NRXN3: variants seen among roughly 807,000 people sequenced by gnomAD.
The protein encoded by NRXN3 is neurexin III.
Under a neutral mutation model 137.6 loss-of-function variants are expected in NRXN3, and 32 were observed. The observed-to-expected ratio is 0.23, with a 90% confidence interval of 0.18 to 0.31. The LOEUF is 0.31. Ranked by LOEUF, NRXN3 falls within the 10% of genes least tolerant of loss-of-function variation. NRXN3 has a pLI of 1.00. For missense variants in NRXN3, 1,574 were observed against 2,062.5 expected (o/e 0.76, Z 4.59); for synonymous variants, 798 against 784.5 (o/e 1.02, Z -0.29).
chr14:79,176,541 G>T (rs2062363715), intron 15 of NRXN3, among the ~76,000 whole-genome samples: 1 of 152,104 alleles, frequency 6.6e-6, no homozygotes, highest in Non-Finnish European at 1.5e-5. Flanking sequence ...CCACCATTTT[G>T]CTATATGCAA....
chr14:79,698,694 A>T (rs1364160241), intron 19 of NRXN3, among the ~76,000 whole-genome samples: 1 of 151,978 alleles, frequency 6.6e-6, no homozygotes, highest in African/African-American at 2.4e-5. Flanking sequence ...TAACTGAATT[A>T]TTAGCCTTAA....
At chr14:79,706,299 C>T (rs2098778635) in intron 19 of NRXN3, among the ~76,000 whole-genome samples, 1 of 152,202 alleles carries the variant, frequency 6.6e-6, no homozygotes, top group South Asian at 2.1e-4. Context: ...CTTTCCCTTT[C>T]CAGTTTCTTC....
intron 15 of NRXN3, among the ~76,000 whole-genome samples, chr14:79,342,508 T>A (rs1490423079): frequency 1.3e-5 from 2 of 152,208 alleles, no homozygotes; most frequent in Non-Finnish European, 2.9e-5. Flanking sequence ...TTTTTTTTTT[T>A]TTCCTTTGGC....
chr14:79,754,576 A>T (rs2099012621), intron 19 of NRXN3, among the ~76,000 whole-genome samples: 1 of 136,648 alleles, frequency 7.3e-6, no homozygotes, highest in Admixed American at 7.2e-5. Context: ...ACACATACAC[A>T]CACACACACA....
chr14:78,516,961 TG>T (rs1166685453), intron 4 of NRXN3, among the ~76,000 whole-genome samples: 7 of 152,174 alleles, frequency 4.6e-5, no homozygotes, highest in Middle Eastern at 3.2e-3. Context: ...TTCTTCAGTC[TG>T]AAAAAGAAGG....
chr14:78,250,040 C>T (rs1407254954), intron 2 of NRXN3: 1 of 506,512 alleles, frequency 2.0e-6, no homozygotes, highest in Non-Finnish European at 3.9e-6. Flanking sequence ...CATGCACTAG[C>T]TCTTGAAACC....
At chr14:78,863,022 GATA>G (rs1217377050) in intron 10 of NRXN3, among the ~76,000 whole-genome samples, 1 of 152,032 alleles carries the variant, frequency 6.6e-6, no homozygotes, top group Non-Finnish European at 1.5e-5. Context: ...CCCTCTAGAG[GATA>G]ATACATTTCT....
At chr14:78,580,048 G>A (rs1189964367) in intron 4 of NRXN3, among the ~76,000 whole-genome samples, 6 of 152,126 alleles carry the variant, frequency 3.9e-5, no homozygotes, top group Admixed American at 3.9e-4. Flanking sequence ...CTGTCATGTG[G>A]TAAGTGGTCT....
rs1444581271 is a variant in NRXN3 at position 79,641,749 on chromosome 14, C to T, written c.3445-22029C>T. ...CCAAATGCAGCAATTCCTTCCTCAG[C>T]GGTAGTAGTCCAGACAGAAACAGTT... On this transcript the variant is annotated intron_variant, in intron 16 of 20. Coordinates refer to ENST00000335750, the MANE Select transcript of NRXN3 (RefSeq NM_001330195.2). 5.2e-5 allele frequency among the ~76,000 whole-genome samples: 7 copies of T among 135,572 alleles called. 1 individual carries two copies. The highest frequency in any genetic ancestry group is 1.6e-4 in the Admixed American group (2 of 12,858). The allele number at this position is 135,572 out of a possible 152,430, so 88.9% of individuals were successfully genotyped here. A position where few individuals can be genotyped will look rare whatever the true frequency, so the allele number is the denominator to read the frequency against.
chr14:79,474,478 T>A (rs2096542083), intron 16 of NRXN3, among the ~76,000 whole-genome samples: 1 of 152,138 alleles, frequency 6.6e-6, no homozygotes, highest in Non-Finnish European at 1.5e-5. Flanking sequence ...ATTTTATGAA[T>A]TAACCAGATT....
chr14:79,282,928 C>A (rs1238543983), intron 15 of NRXN3, among the ~76,000 whole-genome samples: 1 of 152,108 alleles, frequency 6.6e-6, no homozygotes, highest in Admixed American at 6.6e-5. Flanking sequence ...AGAGAAGCAG[C>A]AATCAACAAA....
At chr14:78,717,694 TGAA>T (rs2098440466) in intron 8 of NRXN3, among the ~76,000 whole-genome samples, 18 of 152,336 alleles carry the variant, frequency 1.2e-4, no homozygotes, top group Admixed American at 2.6e-4. Context: ...TGACATATAT[TGAA>T]GCCCTAGTGT....
chr14:78,436,686 C>T (rs67546397), intron 4 of NRXN3, among the ~76,000 whole-genome samples: 22,654 of 152,156 alleles, frequency 0.15, 2,688 homozygotes, highest in African/African-American at 0.32. Context: ...TAAATGTAGA[C>T]AGGCACATGC....
intron 4 of NRXN3, among the ~76,000 whole-genome samples, chr14:78,461,522 G>A (rs893263087): frequency 4.6e-5 from 7 of 152,216 alleles, no homozygotes; most frequent in South Asian, 2.1e-4. Context: ...ATGTTCTCTC[G>A]GTTCTAACCT....
At chr14:79,222,923 T>A (rs1384866747) in intron 15 of NRXN3, among the ~76,000 whole-genome samples, 2 of 152,302 alleles carry the variant, frequency 1.3e-5, no homozygotes, top group East Asian at 1.9e-4. Flanking sequence ...ATAACAGTCC[T>A]TTATCATTAT....
In NRXN3 at chr14:79,465,386, C is replaced by T. The variant is rs149958762; in HGVS notation, c.3263-1835C>T. On this transcript the variant is annotated intron_variant, in intron 15 of 20. Transcript: ENST00000335750. Reference sequence around the variant, plus strand: ...GTGTAGAGGGCTTTCGAGACACCATCCCCTAAGGATCGAGAAATTCATAAA... The same window carrying T: ...GTGTAGAGGGCTTTCGAGACACCATTCCCTAAGGATCGAGAAATTCATAAA... Among the ~76,000 whole-genome samples, 338 of 152,268 alleles carry T rather than the reference C, an allele frequency of 2.2e-3. 3 individuals carry two copies. The highest frequency in any genetic ancestry group is 7.3e-3 in the African/African-American group (303 of 41,542).
chr14:79,521,675 C>A (rs1291326986), intron 16 of NRXN3, among the ~76,000 whole-genome samples: 1 of 152,094 alleles, frequency 6.6e-6, no homozygotes, highest in Admixed American at 6.6e-5. Context: ...TACTTTCTGT[C>A]CTCTTCTAAC....
At chr14:79,353,776 T>C (rs959708923) in intron 15 of NRXN3, among the ~76,000 whole-genome samples, 2 of 152,156 alleles carry the variant, frequency 1.3e-5, no homozygotes, top group Admixed American at 6.5e-5. Flanking sequence ...TTGCTCACCA[T>C]TTTTTCCTAT....
At chr14:79,200,882 G>A (rs1198114408) in intron 15 of NRXN3, among the ~76,000 whole-genome samples, 4 of 134,068 alleles carry the variant, frequency 3.0e-5, no homozygotes, top group South Asian at 4.9e-4. Flanking sequence ...ATCCTCAGGG[G>A]ACAGAAAGAA....
Sources: allele counts gnomAD v4.1 joint callset (sites outside exome capture counted in the v4.1 genomes callset), GRCh38; gene constraint gnomAD v4.1.1; transcripts MANE v1.5; gene names NCBI Gene and HGNC (gene_info 2026-07-23, HGNC 2026-07-21).